Variants in SMC6 observed in about 807,000 individuals in gnomAD.
SMC6 encodes the protein structural maintenance of chromosomes 6.
A neutral mutation model predicts 142.2 loss-of-function variants in SMC6; 79 were observed. The ratio of observed to expected loss-of-function variants is 0.56; its 90% CI spans 0.46 to 0.67. The LOEUF is 0.67. SMC6 is among the 30% of genes least tolerant of loss of function. SMC6 has a pLI of 0.00. For missense variants in SMC6, 1,072 were observed against 1,284.0 expected (o/e 0.83, Z 2.52); for synonymous variants, 411 against 412.4 (o/e 1.00, Z 0.04).
At chr2:17,708,467 A>G (rs1482039178) in intron 17 of SMC6, among the ~76,000 whole-genome samples, 172 bp downstream of exon 17, 1 of 152,158 alleles carries the variant, frequency 6.6e-6, no homozygotes, top group Non-Finnish European at 1.5e-5. Context: ...CAGAAAACGT[A>G]CAAATCAACC....
At chr2:17,707,094 G>T in intron 18 of SMC6, 125 bp downstream of exon 18, 2 of 668,830 alleles carry the variant, frequency 3.0e-6, no homozygotes, top group Non-Finnish European at 4.6e-6. Flanking sequence ...GATGTTTTAA[G>T]ACCAAGCACT....
rs778230700 is a variant in SMC6, at chr2:17,665,601, G to A, written c.3174C>T (p.Ser1058=). 5 of 1,602,344 alleles carry A rather than the reference G, an allele frequency of 3.1e-6. No homozygotes were observed. Among genetic ancestry groups the A allele is most frequent in the Non-Finnish European group, 4.3e-6 (5 of 1,172,948 alleles). Residue 1058 remains serine, a synonymous_variant, in exon 28 of 28, where the codon TCC becomes TCT. Transcript: ENST00000448223. ...TTCGGAGAATTCTTATCAGTTTACT[G>A]GATGGAAGTGAACTAGAAGAAGCAA... ...LTPQSMSSLP[S]SKLIRILRMS... is the part of the protein sequence containing the mutation.
intron 24 of SMC6, chr2:17,682,158 C>G (rs531001907): frequency 6.6e-6 from 1 of 152,186 alleles, no homozygotes; most frequent in Non-Finnish European, 1.5e-5. Flanking sequence ...TATCTTCAGG[C>G]TCCACATCTA....
chr2:17,676,877 T>G (rs879928378), intron 25 of SMC6, among the ~76,000 whole-genome samples: 2 of 152,208 alleles, frequency 1.3e-5, no homozygotes, highest in Admixed American at 6.5e-5. Context: ...ATGTAATTAA[T>G]TTTTGCATAC....
chr2:17,718,485 T>C (rs376091840), intron 11 of SMC6, among the ~76,000 whole-genome samples: 425 of 152,240 alleles, frequency 2.8e-3, no homozygotes, highest in African/African-American at 8.7e-3. Flanking sequence ...GAGAGAGATA[T>C]AATTTAGCAG....
Position 17,700,253 on chromosome 2 carries a change from A to T in SMC6, c.2349T>A (p.Ile783=). ...CCGATAGTTGATTAATTTTGAATTTAATTGCATCATACTTATTTTCTGCTT... is the reference window on the plus strand; with the variant it reads ...CCGATAGTTGATTAATTTTGAATTTTATTGCATCATACTTATTTTCTGCTT... ...KIEAENKYDA[I]KFKINQLSEL... is the part of the protein sequence containing the mutation. The change falls in exon 21 of 28, where the codon ATT becomes ATA. Residue 783 remains isoleucine (I), a synonymous_variant. Coordinates refer to ENST00000448223, the MANE Select transcript of SMC6 (RefSeq NM_001142286.2). 6.2e-7 allele frequency: 1 copy of T among 1,609,076 alleles called. No homozygotes were observed. The highest frequency in any genetic ancestry group is 1.7e-5 in the Admixed American group (1 of 59,364).
In SMC6 at chr2:17,664,550, G is replaced by A. The variant is rs925370299; in HGVS notation, c.*949C>T. ...TAGTATCAAACAAATAATACAGGGA[G>A]CAATAAAATTCATGTTTTCTAAAAT... On this transcript the variant is annotated 3_prime_UTR_variant, in exon 28 of 28. Transcript: ENST00000448223. 2 of 152,108 alleles carry A rather than the reference G, an allele frequency of 1.3e-5. No homozygotes were observed. Among genetic ancestry groups the A allele is most frequent in the Admixed American group, 6.6e-5 (1 of 15,266 alleles). The allele number at this position is 152,108 out of a possible 1,614,324, so 9.4% of individuals were successfully genotyped here.
chr2:17,695,463 G>A (rs564781028), intron 22 of SMC6, among the ~76,000 whole-genome samples, 166 bp from the exon 23 acceptor site: 2 of 152,040 alleles, frequency 1.3e-5, no homozygotes, highest in South Asian at 2.1e-4. Context: ...GTTTTATATT[G>A]AAGATAAAGT....
rs780636688 is a variant in SMC6 at position 17,721,242 on chromosome 2, C to T, written c.746G>A (p.Arg249His). 6.9e-6 allele frequency: 11 copies of T among 1,592,252 alleles called. No homozygotes were observed. The highest frequency in any genetic ancestry group is 2.2e-5 in the East Asian group (1 of 44,604). Reference protein sequence around the residue: ...QGEERLTELKRQCVEKEERFQ... With the variant: ...QGEERLTELKHQCVEKEERFQ... Reference sequence around the variant, plus strand: ...ACGTTCCTCTTTCTCTACACACTGGCGCTTTAGTTCAGTAAGCCGCTTAAA... The same window carrying T: ...ACGTTCCTCTTTCTCTACACACTGGTGCTTTAGTTCAGTAAGCCGCTTAAA... Residue 249 changes from arginine (R) to histidine (H), a missense_variant, in exon 10 of 28, where the codon CGC (arginine) becomes CAC (histidine). Around this residue, in one of 3 missense-constraint regions of SMC6, gnomAD observed 994 missense variants for 1,153.2 expected, o/e 0.86. Transcript: ENST00000448223.
chr2:17,696,284 A>T lies in SMC6; in HGVS notation c.2532+5T>A. ...CAAAATAACTTGAAAAAAATGGTGAAAAACCTCTAGTTCTTTCTCTTTCAT... is the reference window on the plus strand; with the variant it reads ...CAAAATAACTTGAAAAAAATGGTGATAAACCTCTAGTTCTTTCTCTTTCAT... On this transcript the variant is annotated splice_donor_5th_base_variant and intron_variant, in intron 22 of 27. Transcript: ENST00000448223. The T allele has an allele frequency of 6.3e-7, 1 of 1,581,458 alleles. No homozygotes were observed.
At chr2:17,674,578 T>C (rs1453300524) in intron 25 of SMC6, among the ~76,000 whole-genome samples, 1 of 152,182 alleles carries the variant, frequency 6.6e-6, no homozygotes, top group East Asian at 1.9e-4. Flanking sequence ...TTAAATCTTA[T>C]ATTGCCTTAC....
At chr2:17,708,366 A>C (rs771876516) in intron 17 of SMC6, among the ~76,000 whole-genome samples, 43 of 152,130 alleles carry the variant, frequency 2.8e-4, no homozygotes, top group Non-Finnish European at 5.3e-4. Flanking sequence ...AAATGAACAA[A>C]AAAAGTTATA....
At position 17,716,214 on chromosome 2, in the gene SMC6, A is replaced by G; in HGVS notation, c.1397T>C (p.Leu466Pro). Reference sequence around the variant, plus strand: ...AGTTTTACTATCTTTCAATTCTTTCAGTTGCCTCTGATTGTAGCTCAGTGC... The same window carrying G: ...AGTTTTACTATCTTTCAATTCTTTCGGTTGCCTCTGATTGTAGCTCAGTGC... The part of the protein sequence containing the change: ...KHALSYNQRQ[L>P]KELKDSKTDR... Residue 466 changes from leucine (L) to proline (P), a missense_variant, in exon 15 of 28, where the codon CTG (leucine) becomes CCG (proline). This residue lies in a region of SMC6 where 994 missense variants were observed against 1,153.2 expected (regional missense o/e 0.86). Coordinates refer to ENST00000448223, the MANE Select transcript of SMC6 (RefSeq NM_001142286.2). 2 of 1,612,286 alleles carry G rather than the reference A, an allele frequency of 1.2e-6. No homozygotes were observed. The highest frequency in any genetic ancestry group is 1.7e-6 in the Non-Finnish European group (2 of 1,179,502).
In SMC6 at chr2:17,664,973, A is replaced by G. The variant is rs1666428454; in HGVS notation, c.*526T>C. The G allele has an allele frequency of 6.6e-6, 1 of 152,310 alleles. No homozygotes were observed. Among genetic ancestry groups the G allele is most frequent in the South Asian group, 2.1e-4 (1 of 4,824 alleles). 9.4% of individuals were successfully genotyped at this position (152,310 alleles called of 1,614,324 possible). ...TAGGGTGGACAGTTAAAGGACTGCA[A>G]AAAAGGCATGTGTAGAAGTTGGCAA... On this transcript the variant is annotated 3_prime_UTR_variant, in exon 28 of 28. Coordinates refer to ENST00000448223, the MANE Select transcript of SMC6 (RefSeq NM_001142286.2).
chr2:17,700,047 T>C (rs944520074), intron 21 of SMC6, among the ~76,000 whole-genome samples, 161 bp downstream of exon 21: 1 of 152,186 alleles, frequency 6.6e-6, no homozygotes, highest in Non-Finnish European at 1.5e-5. Flanking sequence ...TAATACTAAT[T>C]GATCTAATGA....
At position 17,695,141 on chromosome 2, in the gene SMC6, C is replaced by T. The variant is rs754040360; in HGVS notation, c.2678+11G>A. ...TAATGTGGTAAAGCAGAAAAGCTAC[C>T]AGCTACTTACCTCATTATTTCCTCT... is the stretch of plus-strand genomic sequence containing the variant. On this transcript the variant is annotated intron_variant, in intron 23 of 27. Coordinates refer to ENST00000448223, the MANE Select transcript of SMC6 (RefSeq NM_001142286.2). The T allele has an allele frequency of 2.5e-6, 4 of 1,611,764 alleles. No homozygotes were observed. In the Admixed American group the frequency reaches 6.7e-5, roughly 27 times the overall value.
chr2:17,729,761 T>C (rs577468630), intron 7 of SMC6, among the ~76,000 whole-genome samples: 1 of 152,354 alleles, frequency 6.6e-6, no homozygotes, highest in East Asian at 1.9e-4. Flanking sequence ...AAACTTGTAC[T>C]GTCTGATATG....
chr2:17,671,361 G>A (rs1418402396), intron 25 of SMC6, among the ~76,000 whole-genome samples: 4 of 71,724 alleles, frequency 5.6e-5, no homozygotes, highest in African/African-American at 2.3e-4. Flanking sequence ...TTAAAGGATT[G>A]CTTTAGGAAT....
intron 4 of SMC6, 25 bp downstream of exon 4, chr2:17,741,587 A>G: frequency 6.7e-7 from 1 of 1,491,796 alleles, no homozygotes; most frequent in Non-Finnish European, 9.3e-7. Context: ...GCTCAAAGTC[A>G]AACGAGAAGG....
Sources: gnomAD v4.1 joint callset for allele counts (sites outside exome capture counted in the v4.1 genomes callset) on GRCh38, gnomAD v4.1.1 for gene constraint, gnomAD v4.1.1 regional missense constraint, MANE v1.5 for transcripts, NCBI Gene and HGNC (gene_info 2026-07-23, HGNC 2026-07-21) for gene names.